LINGO4: variants seen among roughly 807,000 people sequenced by gnomAD.
The protein encoded by LINGO4 is leucine-rich repeat and immunoglobulin-like domain-containing nogo receptor-interacting protein 4.
Under a neutral mutation model 27.9 loss-of-function variants are expected in LINGO4, and 22 were observed. The observed-to-expected ratio is 0.79, with a 90% CI of 0.56 to 1.13. LINGO4 has a LOEUF of 1.13. Among genes scored for constraint, LINGO4 ranks in the 50% most tolerant of loss-of-function variants. The probability of loss-of-function intolerance (pLI) is 0.00; values close to 1 mark genes in which losing one functional copy is unlikely to be tolerated. For synonymous variants in LINGO4, 306 were observed against 325.8 expected, an observed-to-expected ratio of 0.94 and a Z score of 0.65; for missense variants, 706 against 739.4, an observed-to-expected ratio of 0.95 and a Z score of 0.52.
Position 151,801,629 on chromosome 1 carries a change from G to C in LINGO4, c.1076C>G (p.Pro359Arg), listed in dbSNP as rs1416066551. 2 of 1,613,932 alleles carry C rather than the reference G, an allele frequency of 1.2e-6. No homozygotes were observed. Among genetic ancestry groups the C allele is most frequent in the Non-Finnish European group, 1.7e-6 (2 of 1,180,022 alleles). The change falls in exon 2 of 2, where the codon CCC (proline) becomes CGC (arginine). Residue 359 changes from proline to arginine, a missense_variant. Transcript: ENST00000368820. This position sits in a 1 kb window ranked among gnomAD's most constrained non-coding sequence, Gnocchi z 5.7. ...GAGGAGGCGGCAGTCACAGGTTAGG[G>C]GGTTGCCAGACAGCCTCAAGGTGAC... Reference protein sequence around the residue: ...KLVTLRLSGNPLTCDCRLLWL... With the variant: ...KLVTLRLSGNRLTCDCRLLWL...
In LINGO4 at chr1:151,802,233, G is replaced by A; in HGVS notation, c.472C>T (p.Leu158Phe). 6.2e-7 allele frequency: 1 copy of A among 1,614,214 alleles called. No homozygotes were observed. Among genetic ancestry groups the A allele is most frequent in the Non-Finnish European group, 8.5e-7 (1 of 1,180,044 alleles). Reference sequence around the variant, plus strand: ...TTGTCCCCAACCTCCAGCTTCTGGAGGCTGCCTAGCTCCCCAAAAGCTCCA... The same window carrying A: ...TTGTCCCCAACCTCCAGCTTCTGGAAGCTGCCTAGCTCCCCAAAAGCTCCA... ...LDGAFGELGSLQKLEVGDNHL... is the reference protein window; with the variant it reads ...LDGAFGELGSFQKLEVGDNHL... The change falls in exon 2 of 2, where the codon CTC (leucine) becomes TTC (phenylalanine). Residue 158 changes from leucine (L) to phenylalanine (F), a missense_variant. Leu to Phe is a conservative substitution (Grantham distance 22). Coordinates refer to ENST00000368820, the MANE Select transcript of LINGO4 (RefSeq NM_001004432.4).
chr1:151,802,771 AC>A, intron 1 of LINGO4, 54 bp from the exon 2 acceptor site: 4 of 1,280,646 alleles, frequency 3.1e-6, no homozygotes, highest in Non-Finnish European at 3.1e-6. Flanking sequence ...GATGACGGTG[AC>A]CCTGGACTTC....
rs1300106034 is a variant in LINGO4, at chr1:151,805,360, C to G, written c.-144G>C. On this transcript the variant is annotated 5_prime_UTR_variant, in exon 1 of 2. Coordinates refer to ENST00000368820, the MANE Select transcript of LINGO4 (RefSeq NM_001004432.4). ...CCTCAACCCCCGCTGCCTGGCTGCC[C>G]GGCTGCTGCCTGCCGCTGCTGCTGC... 1 of 191,162 alleles carries G rather than the reference C, an allele frequency of 5.2e-6. No homozygotes were observed. Among genetic ancestry groups the G allele is most frequent in the African/African-American group, 2.4e-5 (1 of 41,928 alleles). The allele number at this position is 191,162 out of a possible 1,614,324, so 11.8% of individuals were successfully genotyped here.
Position 151,802,086 on chromosome 1 carries a change from C to G in LINGO4, c.619G>C (p.Val207Leu). The change falls in exon 2 of 2, where the codon GTG (valine) becomes CTG (leucine). Residue 207 changes from valine to leucine, a missense_variant. Val to Leu is a conservative substitution (Grantham distance 32, BLOSUM62 1). Transcript: ENST00000368820. ...TCCAGTTCTCTAAGCCTTAGGGCCACTAGTGCCGGGAGACGGGCAAGGGCT... is the reference window on the plus strand; with the variant it reads ...TCCAGTTCTCTAAGCCTTAGGGCCAGTAGTGCCGGGAGACGGGCAAGGGCT... ...GLALARLPALVALRLRELDIG... is the reference protein window; with the variant it reads ...GLALARLPALLALRLRELDIG... 6.2e-7 allele frequency: 1 copy of G among 1,614,064 alleles called. No homozygotes were observed. Among genetic ancestry groups the G allele is most frequent in the Non-Finnish European group, 8.5e-7 (1 of 1,180,036 alleles).
rs762105323 is a variant in LINGO4, at chr1:151,801,042, C to T, written c.1663G>A (p.Ala555Thr). 2 of 1,614,134 alleles carry T rather than the reference C, an allele frequency of 1.2e-6. No homozygotes were observed. Among genetic ancestry groups the T allele is most frequent in the Admixed American group, 1.7e-5 (1 of 60,008 alleles). ...CGACCTTTGCCCTTGCTCCAAAGGG[C>T]AATCAGGCCAAAGCAGAGGGTCACT... ...TSVTLCFGLI[A>T]LWSKGKGRVK... is the part of the protein sequence containing the mutation. Residue 555 changes from alanine (A) to threonine (T), a missense_variant, in exon 2 of 2, where the codon GCC becomes ACC. By Grantham distance (58) the Ala-to-Thr change is moderately conservative. Coordinates refer to ENST00000368820, the MANE Select transcript of LINGO4 (RefSeq NM_001004432.4). The surrounding 1 kb of genome is among the most constrained non-coding windows in gnomAD (Gnocchi z 5.7).
Position 151,801,449 on chromosome 1 carries a change from C to T in LINGO4, c.1256G>A (p.Gly419Glu). The T allele has an allele frequency of 1.2e-6, 2 of 1,614,178 alleles. No homozygotes were observed. The highest frequency in any genetic ancestry group is 1.7e-6 in the Non-Finnish European group (2 of 1,180,056). The change falls in exon 2 of 2, where the codon GGG becomes GAG. Residue 419 changes from glycine (G) to glutamate (E), a missense_variant. Gly to Glu is a moderately conservative substitution (Grantham distance 98). Coordinates refer to ENST00000368820, the MANE Select transcript of LINGO4 (RefSeq NM_001004432.4). This position sits in a 1 kb window ranked among gnomAD's most constrained non-coding sequence, Gnocchi z 5.7. The stretch of plus-strand genomic sequence containing the variant: ...CTCCTCTGCAATGACCCATCGAGGC[C>T]CCGACTTTCGGATCAGGGCTGGTTT... ...TCKPALIRKS[G>E]PRWVIAEEGG...
chr1:151,802,308 C>A lies in LINGO4; in HGVS notation c.397G>T (p.Ala133Ser), dbSNP rs767078495. ...MGPGVFSGLS[A>S]LTLLDLRLNQ... ...AGGCGGAGGTCCAGCAGGGTCAGAG[C>A]AGAGAGGCCTGAGAAGACCCCAGGC... Residue 133 changes from alanine to serine, a missense_variant, in exon 2 of 2, where the codon GCT becomes TCT. Ala to Ser is a moderately conservative substitution (Grantham distance 99, BLOSUM62 1). Coordinates refer to ENST00000368820, the MANE Select transcript of LINGO4 (RefSeq NM_001004432.4). 6.2e-7 allele frequency: 1 copy of A among 1,614,204 alleles called. No homozygotes were observed. Among genetic ancestry groups the A allele is most frequent in the Non-Finnish European group, 8.5e-7 (1 of 1,180,038 alleles).
rs757905065 is a variant in LINGO4, at chr1:151,802,008, G to T, written c.697C>A (p.Leu233Met). ...AGAGATGGCCAGAGGTGGATCTCCAGCTCCTTGAGCTGCCCCAGCCCCCGC... is the reference window on the plus strand; with the variant it reads ...AGAGATGGCCAGAGGTGGATCTCCATCTCCTTGAGCTGCCCCAGCCCCCGC... ...ALRGLGQLKE[L>M]EIHLWPSLEA... Residue 233 changes from leucine (L) to methionine (M), a missense_variant, in exon 2 of 2, where the codon CTG becomes ATG. Physicochemically the swap from Leu to Met is conservative, Grantham distance 15. Coordinates refer to ENST00000368820, the MANE Select transcript of LINGO4 (RefSeq NM_001004432.4). The T allele has an allele frequency of 1.2e-6, 2 of 1,614,040 alleles. No homozygotes were observed. The highest frequency in any genetic ancestry group is 3.3e-5 in the Admixed American group (2 of 60,016).
Position 151,802,059 on chromosome 1 carries a change from T to C in LINGO4, c.646A>G (p.Ile216Val). ...AGGGCCCCAGCTGGCAGCCTCCCAA[T>C]ATCCAGTTCTCTAAGCCTTAGGGCC... is the stretch of plus-strand genomic sequence containing the variant. ...LVALRLRELD[I>V]GRLPAGALRG... Residue 216 changes from isoleucine (I) to valine (V), a missense_variant, in exon 2 of 2, where the codon ATT becomes GTT. Transcript: ENST00000368820. 1 of 1,614,068 alleles carries C rather than the reference T, an allele frequency of 6.2e-7. No homozygotes were observed.
Position 151,802,354 on chromosome 1 carries a change from G to T in LINGO4, c.351C>A (p.Gly117=), listed in dbSNP as rs1185715005. ...CAGGCCCCATGATTCTGAGCCGATTGCCCTGCAGCCTCAGGGTGAGTAGGC... is the reference window on the plus strand; with the variant it reads ...CAGGCCCCATGATTCTGAGCCGATTTCCCTGCAGCCTCAGGGTGAGTAGGC... ...LQSLLTLRLQ[G]NRLRIMGPGV... is the part of the protein sequence containing the mutation. Residue 117 remains glycine, a synonymous_variant, in exon 2 of 2, where the codon GGC becomes GGA. Coordinates refer to ENST00000368820, the MANE Select transcript of LINGO4 (RefSeq NM_001004432.4). 6 of 1,614,214 alleles carry T rather than the reference G, an allele frequency of 3.7e-6. No individual in the cohort carries two copies. Among genetic ancestry groups the T allele is most frequent in the East Asian group, 2.2e-5 (1 of 44,886 alleles).
At position 151,800,316 on chromosome 1, in the gene LINGO4, G is replaced by A. The variant is rs1558158587; in HGVS notation, c.*607C>T. 1 of 152,334 alleles carries A rather than the reference G, an allele frequency of 6.6e-6. No homozygotes were observed. The highest frequency in any genetic ancestry group is 2.4e-5 in the African/African-American group (1 of 41,408). 9.4% of individuals were successfully genotyped at this position (152,334 alleles called of 1,614,324 possible). On this transcript the variant is annotated 3_prime_UTR_variant, in exon 2 of 2. Transcript: ENST00000368820. ...CCTTTGACAGCAGGTTTAATGATCT[G>A]GTAGATAGAGGAAGGTGGTAGAGGC...
chr1:151,801,013 G>A lies in LINGO4; in HGVS notation c.1692C>T (p.Val564=). The A allele has an allele frequency of 6.2e-7, 1 of 1,614,154 alleles. No individual in the cohort carries two copies. The highest frequency in any genetic ancestry group is 8.5e-7 in the Non-Finnish European group (1 of 1,180,018). Reference sequence around the variant, plus strand: ...CAAAGTCAAAGGTCATGTGATGTTTGACCCGACCTTTGCCCTTGCTCCAAA... The same window carrying A: ...CAAAGTCAAAGGTCATGTGATGTTTAACCCGACCTTTGCCCTTGCTCCAAA... ...IALWSKGKGR[V]KHHMTFDFVA... The change falls in exon 2 of 2, where the codon GTC becomes GTT. Residue 564 remains valine, a synonymous_variant. Transcript: ENST00000368820. This position sits in a 1 kb window ranked among gnomAD's most constrained non-coding sequence, Gnocchi z 5.7.
In LINGO4 at chr1:151,801,556, A is replaced by T. The variant is rs777932464; in HGVS notation, c.1149T>A (p.Pro383=). The stretch of plus-strand genomic sequence containing the variant: ...GGACATGATGGGGGCCAGCACAGGC[A>T]GGGGGGGACATGCCAAAGTCCAGGT... ...RRHLDFGMSP[P]ACAGPHHVQG... is the part of the protein sequence containing the mutation. The change falls in exon 2 of 2, where the codon CCT becomes CCA. Residue 383 remains proline, a synonymous_variant. Coordinates refer to ENST00000368820, the MANE Select transcript of LINGO4 (RefSeq NM_001004432.4). This position sits in a 1 kb window ranked among gnomAD's most constrained non-coding sequence, Gnocchi z 5.7. 6.2e-7 allele frequency: 1 copy of T among 1,613,498 alleles called. No homozygotes were observed. The highest frequency in any genetic ancestry group is 8.5e-7 in the Non-Finnish European group (1 of 1,179,948).
chr1:151,802,420 C>A lies in LINGO4; in HGVS notation c.285G>T (p.Gln95His). 6.2e-7 allele frequency: 1 copy of A among 1,614,200 alleles called. No individual in the cohort carries two copies. The highest frequency in any genetic ancestry group is 1.1e-5 in the South Asian group (1 of 91,084). Reference sequence around the variant, plus strand: ...AGGCCCCAGGCTCAAGGGTTGAGAGCTGGTTGTAGCTGAGGTCCAATTCCT... The same window carrying A: ...AGGCCCCAGGCTCAAGGGTTGAGAGATGGTTGTAGCTGAGGTCCAATTCCT... The part of the protein sequence containing the change: ...LLQELDLSYN[Q>H]LSTLEPGAFH... The change falls in exon 2 of 2, where the codon CAG becomes CAT. Residue 95 changes from glutamine (Q) to histidine (H), a missense_variant. Coordinates refer to ENST00000368820, the MANE Select transcript of LINGO4 (RefSeq NM_001004432.4).
In LINGO4 at chr1:151,801,071, G is replaced by A. The variant is rs774334707; in HGVS notation, c.1634C>T (p.Thr545Ile). 4 of 1,614,198 alleles carry A rather than the reference G, an allele frequency of 2.5e-6. No homozygotes were observed. In the South Asian group the frequency reaches 3.3e-5, roughly 13 times the overall value. Residue 545 changes from threonine to isoleucine, a missense_variant, in exon 2 of 2, where the codon ACC (threonine) becomes ATC (isoleucine). Thr to Ile is a moderately conservative substitution (Grantham distance 89). Transcript: ENST00000368820. This position sits in a 1 kb window ranked among gnomAD's most constrained non-coding sequence, Gnocchi z 5.7. The stretch of plus-strand genomic sequence containing the variant: ...CAGGCCAAAGCAGAGGGTCACTGAG[G>A]TGAGGAAGGGGAGGAAGCCGACTGC... ...VLAVGFLPFL[T>I]SVTLCFGLIA...
chr1:151,800,831 G>C lies in LINGO4; in HGVS notation c.*92C>G, dbSNP rs1294025822. On this transcript the variant is annotated 3_prime_UTR_variant, in exon 2 of 2. Transcript: ENST00000368820. Reference sequence around the variant, plus strand: ...GAGGTGCAGGAGAGCGGTGCTGCTCGGGACTAGGTTCTGGTTCAAGCAGCC... The same window carrying C: ...GAGGTGCAGGAGAGCGGTGCTGCTCCGGACTAGGTTCTGGTTCAAGCAGCC... 1.7e-6 allele frequency: 2 copies of C among 1,200,110 alleles called. No homozygotes were observed. The highest frequency in any genetic ancestry group is 2.4e-6 in the Non-Finnish European group (2 of 848,014). The allele number at this position is 1,200,110 out of a possible 1,614,324, so 74.3% of individuals were successfully genotyped here.
In LINGO4 at chr1:151,802,709, T is replaced by C. The variant is rs777930515; in HGVS notation, c.-5A>G. 2 of 1,491,264 alleles carry C rather than the reference T, an allele frequency of 1.3e-6. No homozygotes were observed. Among genetic ancestry groups the C allele is most frequent in the African/African-American group, 2.8e-5 (2 of 71,588 alleles). The allele number at this position is 1,491,264 out of a possible 1,614,324, so 92.4% of individuals were successfully genotyped here. ...TGGAGCTGTGGCTGCATCCATTCCC[T>C]CTTCAGTCCTGGAATAGATGATGAC... On this transcript the variant is annotated 5_prime_UTR_variant, in exon 2 of 2. Transcript: ENST00000368820.
In LINGO4 at chr1:151,800,932, C is replaced by A; in HGVS notation, c.1773G>T (p.Lys591Asn). Residue 591 changes from lysine to asparagine, a missense_variant, in exon 2 of 2, where the codon AAG (lysine) becomes AAT (asparagine). Transcript: ENST00000368820. Reference sequence around the variant, plus strand: ...ACTGGGGAAGGAAAGGTCAGAAGAGCTTGGCAGTGACCCGGTTACCCCCAG... The same window carrying A: ...ACTGGGGAAGGAAAGGTCAGAAGAGATTGGCAGTGACCCGGTTACCCCCAG... The part of the protein sequence containing the change: ...KNSGGNRVTA[K>N]LF 3.1e-6 allele frequency: 5 copies of A among 1,605,506 alleles called. No individual in the cohort carries two copies. The highest frequency in any genetic ancestry group is 1.7e-5 in the Admixed American group (1 of 59,452).
intron 1 of LINGO4, among the ~76,000 whole-genome samples, chr1:151,804,481 CAGCT>C (rs1168023507): frequency 6.6e-6 from 1 of 152,256 alleles, no homozygotes; most frequent in African/African-American, 2.4e-5. Context: ...GTCCACCTGA[CAGCT>C]AGCTCTTCAT....
Sources: allele counts gnomAD v4.1 joint callset (sites outside exome capture counted in the v4.1 genomes callset), GRCh38; gene constraint gnomAD v4.1.1; non-coding constraint Gnocchi (gnomAD v3.1); transcripts MANE v1.5; gene names NCBI Gene and HGNC (gene_info 2026-07-23, HGNC 2026-07-21).